The following IFT80 variants were observed in gnomAD, a reference collection of about 807,000 sequenced individuals.
The protein encoded by IFT80 is intraflagellar transport 80.
In IFT80, 79 loss-of-function variants were observed where a neutral mutation model predicts 107.9. The observed-to-expected ratio is 0.73, with a 90% CI of 0.61 to 0.88. IFT80 has a LOEUF of 0.88. IFT80 is among the 40% of genes least tolerant of loss of function. The probability of loss-of-function intolerance (pLI) is 0.00; values close to 1 mark genes in which losing one functional copy is unlikely to be tolerated. For missense variants in IFT80, 797 were observed against 914.2 expected, an observed-to-expected ratio of 0.87 and a Z score of 1.65; for synonymous variants, 299 against 300.9, an observed-to-expected ratio of 0.99 and a Z score of 0.07.
chr3:160,275,018 T>C (rs1333943954), intron 18 of IFT80, among the ~76,000 whole-genome samples: 1 of 152,238 alleles, frequency 6.6e-6, no homozygotes, highest in Non-Finnish European at 1.5e-5. Context: ...ACTTGGGGGT[T>C]CAAATCCTAG....
At chr3:160,272,615 A>T (rs1363825120) in intron 18 of IFT80, among the ~76,000 whole-genome samples, 1 of 152,110 alleles carries the variant, frequency 6.6e-6, no homozygotes, top group African/African-American at 2.4e-5. Context: ...TATTCAGCAG[A>T]TATCTGCTTG....
intron 5 of IFT80, among the ~76,000 whole-genome samples, chr3:160,369,709 C>A (rs1164176065): frequency 1.3e-5 from 2 of 151,948 alleles, no homozygotes; most frequent in African/African-American, 2.4e-5. Context: ...ACAAACTTAG[C>A]CTTTGCATTG....
chr3:160,341,349 A>G (rs1265531043), intron 8 of IFT80, among the ~76,000 whole-genome samples: 1 of 152,174 alleles, frequency 6.6e-6, no homozygotes, highest in East Asian at 1.9e-4. Context: ...TGATTAAAAA[A>G]AAAAAAAACC....
chr3:160,265,754 A>C (rs1410433021), intron 19 of IFT80, among the ~76,000 whole-genome samples: 2 of 152,186 alleles, frequency 1.3e-5, no homozygotes, highest in African/African-American at 4.8e-5. Flanking sequence ...TTCATTTATA[A>C]ATTTCCAGAT....
chr3:160,258,644 G>GA lies in IFT80; in HGVS notation c.2224-10dup, dbSNP rs58665245. ...TCCCAATCTATTTGGAGCTGCAATA[G>GA]AAAAAAAAAAGAAGAAATATGCTTA... On this transcript the variant is annotated splice_polypyrimidine_tract_variant and intron_variant, in intron 19 of 19. Coordinates refer to ENST00000326448, the MANE Select transcript of IFT80 (RefSeq NM_020800.3). The GA allele has an allele frequency of 0.28, 411,775 of 1,479,792 alleles. 31,386 individuals carry two copies. The highest frequency in any genetic ancestry group is 0.34 in the African/African-American group (23,923 of 70,778). The allele number at this position is 1,479,792 out of a possible 1,614,324, so 91.7% of individuals were successfully genotyped here.
At chr3:160,371,449 T>A (rs949170540) in intron 5 of IFT80, among the ~76,000 whole-genome samples, 1 of 152,272 alleles carries the variant, frequency 6.6e-6, no homozygotes, top group East Asian at 1.9e-4. Context: ...TTGTATTGAT[T>A]GATTTTTTTT....
At chr3:160,261,834 G>A (rs1712865696) in intron 19 of IFT80, among the ~76,000 whole-genome samples, 1 of 151,138 alleles carries the variant, frequency 6.6e-6, no homozygotes. Context: ...ACCTGAAGGA[G>A]ATGAGTGAGA....
chr3:160,297,560 C>T (rs981452856), intron 12 of IFT80, among the ~76,000 whole-genome samples: 19 of 151,420 alleles, frequency 1.3e-4, no homozygotes, highest in Non-Finnish European at 2.1e-4. Context: ...TGGAGGTCAC[C>T]GCTATATTCA....
chr3:160,381,802 G>T, intron 2 of IFT80, 78 bp from the exon 3 acceptor site: 1 of 1,176,760 alleles, frequency 8.5e-7, no homozygotes, highest in Non-Finnish European at 1.3e-6. Flanking sequence ...CAGATTATAA[G>T]GTATAAGTAA....
intron 8 of IFT80, among the ~76,000 whole-genome samples, chr3:160,323,023 A>C (rs1718376630): frequency 6.6e-6 from 1 of 152,086 alleles, no homozygotes; most frequent in Non-Finnish European, 1.5e-5. Flanking sequence ...TTTGCTGTGC[A>C]GAGGCTCTTT....
chr3:160,277,250 G>GA, intron 18 of IFT80, 56 bp downstream of exon 18: 2 of 1,487,208 alleles, frequency 1.3e-6, no homozygotes, highest in Non-Finnish European at 1.9e-6. Flanking sequence ...GTGGTAGATG[G>GA]AAAAATACAT....
chr3:160,291,281 A>G (rs1715532388), intron 12 of IFT80, among the ~76,000 whole-genome samples: 1 of 152,234 alleles, frequency 6.6e-6, no homozygotes, highest in South Asian at 2.1e-4. Flanking sequence ...CTTGAAATCT[A>G]ATGTACCCAT....
chr3:160,319,417 G>A (rs1388803090), intron 9 of IFT80, among the ~76,000 whole-genome samples: 2 of 151,972 alleles, frequency 1.3e-5, no homozygotes, highest in Non-Finnish European at 2.9e-5. Flanking sequence ...TGGCAGATTA[G>A]GCCTGCCTTG....
chr3:160,368,455 T>C lies in IFT80; in HGVS notation c.440-2303A>G, dbSNP rs181272896. On this transcript the variant is annotated intron_variant, in intron 5 of 19. Coordinates refer to ENST00000326448, the MANE Select transcript of IFT80 (RefSeq NM_020800.3). Reference sequence around the variant, plus strand: ...CTGTTTAGTCAATGACATCAAGGATTGTTCTGTATCAAAGGAACCCACAGA... The same window carrying C: ...CTGTTTAGTCAATGACATCAAGGATCGTTCTGTATCAAAGGAACCCACAGA... 7.6e-3 allele frequency among the ~76,000 whole-genome samples: 1,149 copies of C among 151,724 alleles called. 10 individuals are homozygous for C. Among genetic ancestry groups the C allele is most frequent in the Non-Finnish European group, 9.2e-3 (622 of 67,786 alleles).
intron 14 of IFT80, 42 bp from the exon 15 acceptor site, chr3:160,280,856 T>A (rs556364921): frequency 6.5e-7 from 1 of 1,539,144 alleles, no homozygotes; most frequent in Non-Finnish European, 8.9e-7. Context: ...AGCTTTAATA[T>A]GTAAGAATTA....
At chr3:160,284,629 T>C (rs1714946675) in intron 13 of IFT80, among the ~76,000 whole-genome samples, 1 of 152,174 alleles carries the variant, frequency 6.6e-6, no homozygotes, top group Non-Finnish European at 1.5e-5. Flanking sequence ...AGAAGATGTA[T>C]ATGCAAGGTA....
intron 1 of IFT80, among the ~76,000 whole-genome samples, 155 bp from the exon 2 acceptor site, chr3:160,384,801 T>C (rs1042606111): frequency 6.6e-6 from 1 of 152,140 alleles, no homozygotes; most frequent in East Asian, 1.9e-4. Flanking sequence ...AACTAGTGGG[T>C]GTGCCAATCC....
intron 1 of IFT80, among the ~76,000 whole-genome samples, chr3:160,387,244 G>A (rs973456873): frequency 1.1e-4 from 17 of 152,200 alleles, no homozygotes; most frequent in African/African-American, 3.1e-4. Context: ...GGTGGCTCAC[G>A]CCTGTAATCC....
intron 6 of IFT80, among the ~76,000 whole-genome samples, chr3:160,363,108 T>C (rs1362492076): frequency 1.3e-5 from 2 of 152,174 alleles, no homozygotes; most frequent in African/African-American, 4.8e-5. Flanking sequence ...CAATCGTATA[T>C]TTAGAAAACC....
Sources: gnomAD v4.1 joint callset for allele counts (sites outside exome capture counted in the v4.1 genomes callset) on GRCh38, gnomAD v4.1.1 for gene constraint, MANE v1.5 for transcripts, NCBI Gene and HGNC (gene_info 2026-07-23, HGNC 2026-07-21) for gene names.